The following NLGN4X variants were observed in gnomAD, a reference collection of about 807,000 sequenced individuals.
NLGN4X encodes neuroligin-4, X-linked.
In NLGN4X, 3 loss-of-function variants were observed where a neutral mutation model predicts 40.3. That is an observed-to-expected ratio of 0.07 (90% CI 0.03 to 0.19). The LOEUF is 0.19. Ranked by LOEUF, NLGN4X falls within the 10% of genes least tolerant of loss-of-function variation. The probability of loss-of-function intolerance (pLI) is 1.00; values close to 1 mark genes in which losing one functional copy is unlikely to be tolerated. For synonymous variants in NLGN4X, 270 were observed against 306.8 expected (o/e 0.88, Z 1.25); for missense variants, 382 against 708.3 (o/e 0.54, Z 5.23).
chrX:6,163,017 TA>T lies in NLGN4X; in HGVS notation c.-305-11247del, dbSNP rs751375979. Among the ~76,000 whole-genome samples the T allele has an allele frequency of 1.5e-3, 169 of 111,172 alleles. 1 individual carries two copies. Among genetic ancestry groups the T allele is most frequent in the African/African-American group, 4.6e-3 (142 of 30,601 alleles). On this transcript the variant is annotated intron_variant, in intron 1 of 5. Coordinates refer to ENST00000381095, the MANE Select transcript of NLGN4X (RefSeq NM_181332.3). ...TTCCCCCATACTGTTCTCGTGATAG[TA>T]AGTCTCATGAGATCTGATGGTTTTA...
At chrX:6,009,802 G>A (rs1290074689) in intron 3 of NLGN4X, among the ~76,000 whole-genome samples, 1 of 112,412 alleles carries the variant, frequency 8.9e-6, no homozygotes, top group Admixed American at 9.4e-5. Flanking sequence ...GTGGGAACAC[G>A]TATGAAGACA....
intron 1 of NLGN4X, among the ~76,000 whole-genome samples, chrX:6,192,718 C>A (rs1009519253): frequency 3.6e-5 from 4 of 111,473 alleles, no homozygotes; most frequent in African/African-American, 1.3e-4. Flanking sequence ...GGGGCTGACC[C>A]TCCCTTGTGG....
intron 3 of NLGN4X, among the ~76,000 whole-genome samples, chrX:5,938,570 T>G (rs1453695627): frequency 9.0e-6 from 1 of 110,603 alleles, no homozygotes; most frequent in Non-Finnish European, 1.9e-5. Context: ...CTAGTTAGGG[T>G]TTGGGTTCAA....
intron 5 of NLGN4X, among the ~76,000 whole-genome samples, chrX:5,894,310 T>A (rs2031370367): frequency 1.8e-5 from 2 of 112,506 alleles, no homozygotes; most frequent in African/African-American, 6.5e-5. Context: ...AGTAAATGAA[T>A]AAATGTTGCA....
chrX:5,914,727 A>G (rs1204650831), intron 3 of NLGN4X, among the ~76,000 whole-genome samples: 1 of 111,401 alleles, frequency 9.0e-6, no homozygotes, highest in South Asian at 3.7e-4. Flanking sequence ...AAGTGACACC[A>G]AACAGAAAAT....
intron 2 of NLGN4X, among the ~76,000 whole-genome samples, chrX:6,088,923 T>C (rs990895713): frequency 8.9e-6 from 1 of 111,748 alleles, no homozygotes; most frequent in African/African-American, 3.2e-5. Flanking sequence ...TTTCCTTGCA[T>C]AAAGCAGATG....
intron 2 of NLGN4X, among the ~76,000 whole-genome samples, chrX:6,121,269 T>C (rs1480165233): frequency 9.0e-6 from 1 of 110,974 alleles, no homozygotes; most frequent in African/African-American, 3.3e-5. Context: ...CAAAATTATC[T>C]CTGTTTGAAT....
At chrX:6,170,924 A>T (rs1055195323) in intron 1 of NLGN4X, among the ~76,000 whole-genome samples, 1 of 111,353 alleles carries the variant, frequency 9.0e-6, no homozygotes, top group Admixed American at 9.6e-5. Flanking sequence ...TCCAGGCTCC[A>T]GCAATCTTCC....
At chrX:6,125,128 A>G (rs1357575167) in intron 2 of NLGN4X, among the ~76,000 whole-genome samples, 1 of 112,511 alleles carries the variant, frequency 8.9e-6, no homozygotes, top group Non-Finnish European at 1.9e-5. Context: ...GTCAGATGGG[A>G]CTGAAGAAGT....
chrX:6,072,270 G>C (rs186817706), intron 2 of NLGN4X, among the ~76,000 whole-genome samples: 7 of 110,958 alleles, frequency 6.3e-5, no homozygotes, highest in Non-Finnish European at 1.3e-4. Context: ...TATGAGATTT[G>C]GAATTTTGAC....
chrX:6,090,054 A>T (rs137955821), intron 2 of NLGN4X, among the ~76,000 whole-genome samples: 1 of 111,413 alleles, frequency 9.0e-6, no homozygotes, highest in African/African-American at 3.3e-5. Flanking sequence ...ACAAGAGTCA[A>T]TCACGTAAAC....
intron 1 of NLGN4X, among the ~76,000 whole-genome samples, chrX:6,213,300 T>C (rs1352733028): frequency 1.8e-5 from 2 of 111,475 alleles, no homozygotes; most frequent in African/African-American, 6.5e-5. Flanking sequence ...CTCCATGACA[T>C]TAATACCTCA....
At position 6,157,164 on chromosome X, in the gene NLGN4X, T is replaced by C. The variant is rs1046547347; in HGVS notation, c.-305-5393A>G. The stretch of plus-strand genomic sequence containing the variant: ...CAAATGTTCTATCTTCAAGATGATC[T>C]TGCACCATATGGCAGCTCAAGGTAT... On this transcript the variant is annotated intron_variant, in intron 1 of 5. Coordinates refer to ENST00000381095, the MANE Select transcript of NLGN4X (RefSeq NM_181332.3). 3.6e-5 allele frequency among the ~76,000 whole-genome samples: 4 copies of C among 110,746 alleles called. No individual in the cohort carries two copies. In the East Asian group the frequency reaches 1.1e-3, roughly 32 times the overall value.
chrX:6,032,819 T>C, intron 2 of NLGN4X: 2 of 694,756 alleles, frequency 2.9e-6, no homozygotes, highest in South Asian at 7.7e-5. Context: ...TTTCAAAAAA[T>C]TCAGAAAAGA....
chrX:6,218,806 T>A (rs2147897014), intron 1 of NLGN4X, among the ~76,000 whole-genome samples: 1 of 111,735 alleles, frequency 8.9e-6, no homozygotes, highest in East Asian at 2.8e-4. Context: ...GTTAATTTGG[T>A]TAAAACTCAT....
intron 3 of NLGN4X, among the ~76,000 whole-genome samples, chrX:5,942,513 C>T (rs1471017015): frequency 1.8e-5 from 2 of 110,649 alleles, no homozygotes; most frequent in Non-Finnish European, 3.8e-5. Flanking sequence ...GAAACCTCGT[C>T]TCTACTAAAA....
chrX:5,982,702 T>C (rs564658890), intron 3 of NLGN4X, among the ~76,000 whole-genome samples: 20 of 111,464 alleles, frequency 1.8e-4, no homozygotes, highest in African/African-American at 6.5e-4. Context: ...AAAAAATTTT[T>C]TAAAAAGTGG....
At chrX:6,210,473 T>C (rs1924502506) in intron 1 of NLGN4X, among the ~76,000 whole-genome samples, 1 of 110,953 alleles carries the variant, frequency 9.0e-6, no homozygotes, top group South Asian at 3.8e-4. Flanking sequence ...GACCCTGTCT[T>C]CAAAATAAAA....
rs1198647700 is a variant in NLGN4X, at chrX:5,893,284, T to C, written c.1984A>G (p.Thr662Ala). 8.3e-7 allele frequency: 1 copy of C among 1,210,712 alleles called. No individual in the cohort carries two copies. Among genetic ancestry groups the C allele is most frequent in the Non-Finnish European group, 1.1e-6 (1 of 895,215 alleles). The change falls in exon 6 of 6, where the codon ACT becomes GCT. Residue 662 changes from threonine (T) to alanine (A), a missense_variant. Physicochemically the swap from Thr to Ala is moderately conservative, Grantham distance 58 (BLOSUM62 0). This residue lies in a region of NLGN4X where 149 missense variants were observed against 375.8 expected (regional missense o/e 0.40). Coordinates refer to ENST00000381095, the MANE Select transcript of NLGN4X (RefSeq NM_181332.3). ...TCTCGTTTGGTTTCAATGAGGACAGTTGTGTCCTCAGGCCCTGTTTTGTGA... is the reference window on the plus strand; with the variant it reads ...TCTCGTTTGGTTTCAATGAGGACAGCTGTGTCCTCAGGCCCTGTTTTGTGA... ...DPHKTGPEDTTVLIETKRDYS... is the reference protein window; with the variant it reads ...DPHKTGPEDTAVLIETKRDYS...
Sources: gnomAD v4.1 joint callset for allele counts (sites outside exome capture counted in the v4.1 genomes callset) on GRCh38, gnomAD v4.1.1 for gene constraint, gnomAD v4.1.1 regional missense constraint, MANE v1.5 for transcripts, NCBI Gene and HGNC (gene_info 2026-07-23, HGNC 2026-07-21) for gene names.